Variants in LEPR observed in about 807,000 individuals in gnomAD.
LEPR encodes OB receptor.
In LEPR, 56 loss-of-function variants were observed where a neutral mutation model predicts 114.7. The observed-to-expected ratio is 0.49, with a 90% CI of 0.39 to 0.61. The LOEUF is 0.61. Among genes scored for constraint, LEPR ranks in the 20% least tolerant of loss-of-function variants. The pLI, the probability that LEPR is intolerant of heterozygous loss-of-function variation, is 0.00. For synonymous variants in LEPR, 443 were observed against 461.4 expected (o/e 0.96, Z 0.51); for missense variants, 1,202 against 1,352.9 (o/e 0.89, Z 1.75).
Position 65,605,125 on chromosome 1 carries a change from A to G in LEPR, c.1491A>G (p.Glu497=), listed in dbSNP as rs757739644. 3 of 1,613,970 alleles carry G rather than the reference A, an allele frequency of 1.9e-6. No individual in the cohort carries two copies. The highest frequency in any genetic ancestry group is 2.5e-6 in the Non-Finnish European group (3 of 1,180,022). ...DCYLQSDGFY[E]CIFQPIFLLS... ...ATTTGCAGAGTGATGGTTTTTATGA[A>G]TGCATTTTCCAGCCAATCTTCCTAT... is the stretch of plus-strand genomic sequence containing the variant. The change falls in exon 11 of 20, where the codon GAA becomes GAG. Residue 497 remains glutamate (E), a synonymous_variant. Coordinates refer to ENST00000349533, the MANE Select transcript of LEPR (RefSeq NM_002303.6).
At chr1:65,631,268 G>A (rs1471560694) in intron 19 of LEPR, among the ~76,000 whole-genome samples, 2 of 152,090 alleles carry the variant, frequency 1.3e-5, no homozygotes. Context: ...TTCAGCAGAG[G>A]AGTAGAAGAG....
intron 2 of LEPR, among the ~76,000 whole-genome samples, chr1:65,540,975 G>A (rs1037614358): frequency 2.4e-4 from 36 of 152,236 alleles, no homozygotes; most frequent in African/African-American, 8.4e-4. Context: ...GGGATTACAG[G>A]CATACGCCAC....
At chr1:65,525,469 A>G (rs1649874503) in intron 2 of LEPR, 1 of 209,634 alleles carries the variant, frequency 4.8e-6, no homozygotes, top group South Asian at 1.7e-4. Flanking sequence ...GCCCGCGGCC[A>G]CCCGCAGCGG....
intron 2 of LEPR, among the ~76,000 whole-genome samples, chr1:65,429,281 C>T (rs1304020098): frequency 6.6e-6 from 1 of 151,984 alleles, no homozygotes; most frequent in Admixed American, 6.6e-5. Flanking sequence ...GCACAGCTAG[C>T]GCAAAGGCCC....
intron 2 of LEPR, among the ~76,000 whole-genome samples, chr1:65,481,730 A>G (rs549479116): frequency 2.0e-5 from 3 of 151,894 alleles, no homozygotes; most frequent in Admixed American, 1.3e-4. Flanking sequence ...ATCAAGTTCA[A>G]TTTATTCCAG....
intron 2 of LEPR, among the ~76,000 whole-genome samples, chr1:65,444,824 A>ATAGT (rs1412554462): frequency 6.6e-6 from 1 of 152,200 alleles, no homozygotes; most frequent in Non-Finnish European, 1.5e-5. Flanking sequence ...GTGTGCTCAT[A>ATAGT]TAGTCATTAA....
intron 16 of LEPR, among the ~76,000 whole-genome samples, chr1:65,619,570 G>T (rs1657748863): frequency 6.6e-6 from 1 of 152,034 alleles, no homozygotes; most frequent in African/African-American, 2.4e-5. Context: ...CCACTTTGGG[G>T]GTAAGGGAGA....
chr1:65,432,648 C>T lies in LEPR; in HGVS notation c.-21+7270C>T, dbSNP rs9436742. On this transcript the variant is annotated intron_variant, in intron 2 of 19. Coordinates refer to ENST00000349533, the MANE Select transcript of LEPR (RefSeq NM_002303.6). ...AGCCTATAATATTTAGGCAGTTCCT[C>T]AAATTTATGAAAAGTGTTCTCAGAA... 4,695 of 984,508 alleles carry T rather than the reference C, an allele frequency of 4.8e-3. 187 individuals carry two copies. In the African/African-American group the frequency reaches 0.075, roughly 16 times the overall value. 61.0% of individuals were successfully genotyped at this position (984,508 alleles called of 1,614,324 possible).
intron 2 of LEPR, among the ~76,000 whole-genome samples, chr1:65,471,668 C>T (rs924997816): frequency 1.2e-4 from 19 of 152,098 alleles, no homozygotes; most frequent in African/African-American, 4.6e-4. Context: ...GATCTACTTG[C>T]AAGCAAAGTT....
intron 2 of LEPR, among the ~76,000 whole-genome samples, chr1:65,458,920 A>C (rs936460206): frequency 2.0e-5 from 3 of 152,094 alleles, no homozygotes; most frequent in African/African-American, 7.2e-5. Flanking sequence ...GTTTCTATTA[A>C]CATATTTGCA....
chr1:65,589,810 C>T (rs907826936), intron 5 of LEPR, among the ~76,000 whole-genome samples: 10 of 152,052 alleles, frequency 6.6e-5, no homozygotes, highest in African/African-American at 2.4e-4. Flanking sequence ...CTTCATTGGC[C>T]TGATTATTGC....
At chr1:65,599,792 C>A (rs968244879) in intron 8 of LEPR, among the ~76,000 whole-genome samples, 3 of 151,932 alleles carry the variant, frequency 2.0e-5, no homozygotes, top group Non-Finnish European at 2.9e-5. Flanking sequence ...TCTTATTCTG[C>A]AAATTAAAAA....
intron 1 of LEPR, chr1:65,421,402 T>TATAC: frequency 6.5e-7 from 1 of 1,536,140 alleles, no homozygotes; most frequent in Non-Finnish European, 8.7e-7. Context: ...CCCTTATCTG[T>TATAC]ATGGCTTCAG....
At chr1:65,552,227 TG>T (rs1652437910) in intron 2 of LEPR, among the ~76,000 whole-genome samples, 1 of 152,188 alleles carries the variant, frequency 6.6e-6, no homozygotes, top group Non-Finnish European at 1.5e-5. Context: ...TAGGTCTTCT[TG>T]GTCCAGAGCT....
intron 11 of LEPR, among the ~76,000 whole-genome samples, chr1:65,608,274 A>G (rs886552983): frequency 6.8e-6 from 1 of 146,914 alleles, no homozygotes; most frequent in Non-Finnish European, 1.5e-5. Context: ...TCTGTCGCCC[A>G]GGCTGGAGTG....
chr1:65,592,967 T>C (rs746652407), intron 6 of LEPR, 102 bp downstream of exon 6: 29 of 1,307,222 alleles, frequency 2.2e-5, no homozygotes, highest in African/African-American at 2.9e-5. Context: ...CTCACTTTGC[T>C]TAACACTGTA....
rs997673618 is a variant in LEPR, at chr1:65,489,733, A to G, written c.-21+64355A>G. Among the ~76,000 whole-genome samples the G allele has an allele frequency of 5.3e-5, 8 of 152,066 alleles. No individual in the cohort carries two copies. The South Asian group carries it at 8.3e-4, about 16-fold the overall frequency. ...ATTTCCCCACATTCATTGGGCTTTT[A>G]GTTAATCTCCTCCATCCCACTCTTT... is the stretch of plus-strand genomic sequence containing the variant. On this transcript the variant is annotated intron_variant, in intron 2 of 19. Coordinates refer to ENST00000349533, the MANE Select transcript of LEPR (RefSeq NM_002303.6).
chr1:65,604,050 G>A (rs1656641428), intron 10 of LEPR, among the ~76,000 whole-genome samples: 1 of 151,984 alleles, frequency 6.6e-6, no homozygotes, highest in Non-Finnish European at 1.5e-5. Context: ...TCTCAGGAAT[G>A]CTCCATGACT....
At chr1:65,488,178 TTC>T (rs764916323) in intron 2 of LEPR, among the ~76,000 whole-genome samples, 25 of 16,380 alleles carry the variant, frequency 1.5e-3, no homozygotes, top group Admixed American at 3.8e-3. Flanking sequence ...CTTTCTTTCT[TTC>T]TTTCTTTCTT....
Sources: gnomAD v4.1 joint callset for allele counts (sites outside exome capture counted in the v4.1 genomes callset) on GRCh38, gnomAD v4.1.1 for gene constraint, MANE v1.5 for transcripts, NCBI Gene and HGNC (gene_info 2026-07-23, HGNC 2026-07-21) for gene names.